ABHD3: variants seen among roughly 807,000 people sequenced by gnomAD.
The protein encoded by ABHD3 is phospholipase ABHD3.
A neutral mutation model predicts 48.8 loss-of-function variants in ABHD3; 46 were observed. The observed-to-expected ratio is 0.94, with a 90% CI of 0.74 to 1.20. ABHD3 has a LOEUF of 1.20. Ranked by LOEUF, ABHD3 falls within the 50% of genes most tolerant of loss-of-function variation. The pLI is 0.00. For synonymous variants in ABHD3, 192 were observed against 183.7 expected (o/e 1.04, Z -0.36); for missense variants, 490 against 497.8 (o/e 0.98, Z 0.15).
intron 4 of ABHD3, among the ~76,000 whole-genome samples, chr18:21,672,165 C>T (rs1462199870): frequency 2.6e-5 from 4 of 152,130 alleles, no homozygotes; most frequent in Non-Finnish European, 4.4e-5. Flanking sequence ...TTTAGAAAAT[C>T]TGTTTCAGAA....
chr18:21,664,688 T>C (rs2039581591), intron 4 of ABHD3, among the ~76,000 whole-genome samples: 1 of 152,170 alleles, frequency 6.6e-6, no homozygotes, highest in Non-Finnish European at 1.5e-5. Context: ...TAGATTGCAG[T>C]GGCATGATCA....
intron 4 of ABHD3, among the ~76,000 whole-genome samples, chr18:21,678,532 T>C (rs766495692): frequency 6.6e-6 from 1 of 152,136 alleles, no homozygotes; most frequent in Non-Finnish European, 1.5e-5. Flanking sequence ...TTTTGAATAT[T>C]AGTTATAGGA....
At chr18:21,673,120 G>T (rs1051388066) in intron 4 of ABHD3, among the ~76,000 whole-genome samples, 3 of 152,136 alleles carry the variant, frequency 2.0e-5, no homozygotes, top group Non-Finnish European at 4.4e-5. Context: ...GGCAAATCTC[G>T]TGACTCACCT....
In ABHD3 at chr18:21,678,008, T is replaced by G. The variant is rs541559056; in HGVS notation, c.555+5912A>C. 2.0e-5 allele frequency among the ~76,000 whole-genome samples: 3 copies of G among 151,542 alleles called. No homozygotes were observed. In the East Asian group the frequency reaches 5.8e-4, roughly 29 times the overall value. On this transcript the variant is annotated intron_variant, in intron 4 of 8. Coordinates refer to ENST00000289119, the MANE Select transcript of ABHD3 (RefSeq NM_138340.5). ...AGGGTCTCTGTTGCCCAAGCTGGAGTGCAATGGCACAAACACAGCTCACTG... is the reference window on the plus strand; with the variant it reads ...AGGGTCTCTGTTGCCCAAGCTGGAGGGCAATGGCACAAACACAGCTCACTG...
intron 3 of ABHD3, among the ~76,000 whole-genome samples, chr18:21,699,521 G>A (rs2040459125): frequency 6.6e-6 from 1 of 152,130 alleles, no homozygotes. Context: ...GCTTTCTGTG[G>A]TAGGTTGCAA....
intron 4 of ABHD3, among the ~76,000 whole-genome samples, chr18:21,675,354 T>C (rs1433554974): frequency 1.4e-5 from 2 of 147,744 alleles, no homozygotes; most frequent in Non-Finnish European, 1.5e-5. Flanking sequence ...CTGCAACCTC[T>C]GCCTCCTGGG....
chr18:21,658,725 A>C (rs1043820620), intron 6 of ABHD3, among the ~76,000 whole-genome samples: 1 of 152,126 alleles, frequency 6.6e-6, no homozygotes, highest in African/African-American at 2.4e-5. Context: ...AACAAAGATA[A>C]TATTTTGGTA....
At chr18:21,680,227 G>A (rs991684248) in intron 4 of ABHD3, among the ~76,000 whole-genome samples, 3 of 151,654 alleles carry the variant, frequency 2.0e-5, no homozygotes, top group South Asian at 2.1e-4. Flanking sequence ...TATTGGCCAC[G>A]TTGATCTCGA....
chr18:21,662,535 GC>G, intron 5 of ABHD3: 1 of 152,360 alleles, frequency 6.6e-6, no homozygotes, highest in Non-Finnish European at 1.5e-5. Flanking sequence ...CTGGCACTTG[GC>G]CCCAGGGGCA....
chr18:21,677,709 G>A (rs1320637270), intron 4 of ABHD3, among the ~76,000 whole-genome samples: 2 of 151,700 alleles, frequency 1.3e-5, no homozygotes, highest in Admixed American at 1.3e-4. Context: ...TTTTGAGACG[G>A]AGTCTTGCTC....
intron 8 of ABHD3, among the ~76,000 whole-genome samples, chr18:21,653,412 G>T (rs1398833740): frequency 1.3e-5 from 2 of 151,392 alleles, no homozygotes; most frequent in Non-Finnish European, 2.9e-5. Flanking sequence ...GCCTCCCAAA[G>T]CACTGGGATT....
Position 21,704,567 on chromosome 18 carries a change from G to T in ABHD3, c.99C>A (p.Gly33=). Residue 33 remains glycine (G), a synonymous_variant, in exon 1 of 9, where the codon GGC becomes GGA. Transcript: ENST00000289119. ...VRVGFFGSGV[G]LSLILGFSVA... ...CGCTGAAGCCCAGGATAAGGGATAA[G>T]CCCACCCCCGAGCCGAAGAACCCCA... 1 of 1,539,782 alleles carries T rather than the reference G, an allele frequency of 6.5e-7. No homozygotes were observed. The highest frequency in any genetic ancestry group is 8.7e-7 in the Non-Finnish European group (1 of 1,145,872).
chr18:21,651,878 A>C, intron 8 of ABHD3, 115 bp from the exon 9 acceptor site: 1 of 887,518 alleles, frequency 1.1e-6, no homozygotes, highest in South Asian at 2.0e-5. Context: ...AACAGAAATC[A>C]AAACACCATT....
In ABHD3 at chr18:21,691,798, C is replaced by G. The variant is rs2040257702; in HGVS notation, c.510-7833G>C. ...AGGTATGCATTATCATATTAAGCAA[C>G]AATCATGGGATTGGAAGAGCTAGAT... On this transcript the variant is annotated intron_variant, in intron 3 of 8. Transcript: ENST00000289119. 2.0e-5 allele frequency among the ~76,000 whole-genome samples: 3 copies of G among 152,174 alleles called. No homozygotes were observed. In the South Asian group the frequency reaches 6.2e-4, roughly 32 times the overall value.
intron 4 of ABHD3, among the ~76,000 whole-genome samples, chr18:21,679,814 C>T (rs1163757850): frequency 6.6e-6 from 1 of 151,714 alleles, no homozygotes; most frequent in Non-Finnish European, 1.5e-5. Context: ...CTTGAGCCAC[C>T]GCGCCTGGCC....
chr18:21,664,602 C>T (rs953104175), intron 4 of ABHD3: 3 of 165,320 alleles, frequency 1.8e-5, no homozygotes, highest in Non-Finnish European at 2.6e-5. Flanking sequence ...CAAAAAACAA[C>T]CTGTACCCTC....
chr18:21,668,227 A>G (rs2039682030), intron 4 of ABHD3, among the ~76,000 whole-genome samples: 1 of 150,002 alleles, frequency 6.7e-6, no homozygotes, highest in Non-Finnish European at 1.5e-5. Context: ...AAAAGAAAGA[A>G]AAAGAAAAGA....
At chr18:21,675,523 T>C (rs2039863794) in intron 4 of ABHD3, among the ~76,000 whole-genome samples, 1 of 151,948 alleles carries the variant, frequency 6.6e-6, no homozygotes, top group Non-Finnish European at 1.5e-5. Context: ...CACCTTGGCC[T>C]CCCAAAGTGC....
At chr18:21,667,644 GAA>G (rs796863301) in intron 4 of ABHD3, among the ~76,000 whole-genome samples, 2 of 152,054 alleles carry the variant, frequency 1.3e-5, no homozygotes, top group African/African-American at 4.8e-5. Flanking sequence ...CTCTCTGAAA[GAA>G]AAACGTTAAC....
Sources: allele counts gnomAD v4.1 joint callset (sites outside exome capture counted in the v4.1 genomes callset), GRCh38; gene constraint gnomAD v4.1.1; transcripts MANE v1.5; gene names NCBI Gene and HGNC (gene_info 2026-07-23, HGNC 2026-07-21).